RUFY2: variants seen among roughly 807,000 people sequenced by gnomAD.
RUFY2 encodes the protein RUN and FYVE domain containing 2.
In RUFY2, 49 loss-of-function variants were observed where a neutral mutation model predicts 94.4. The observed-to-expected ratio is 0.52, with a 90% CI of 0.41 to 0.66. The LOEUF (loss-of-function observed/expected upper bound fraction) is 0.66. RUFY2 is among the 30% of genes least tolerant of loss of function. The pLI is 0.00. For missense variants in RUFY2, 541 were observed against 692.8 expected (o/e 0.78, Z 2.46); for synonymous variants, 255 against 235.7 (o/e 1.08, Z -0.75).
Position 68,396,827 on chromosome 10 carries a change from T to A in RUFY2, c.351A>T (p.Lys117Asn). ...AWLRLALMQK[K>N]MADYLRCLII... ...TTAAGCAACGTAAGTAATCGGCCAT[T>A]TTTTTTTGCATGAGGGCTAATCGAA... The change falls in exon 4 of 18, where the codon AAA (lysine) becomes AAT (asparagine). Residue 117 changes from lysine (K) to asparagine (N), a missense_variant. Around this residue, in one of 3 missense-constraint regions of RUFY2, gnomAD observed 85 missense variants for 153.4 expected, o/e 0.55. Coordinates refer to ENST00000602465, the MANE Select transcript of RUFY2 (RefSeq NM_001330103.2). The A allele has an allele frequency of 6.2e-7, 1 of 1,609,804 alleles. No homozygotes were observed. Among genetic ancestry groups the A allele is most frequent in the Non-Finnish European group, 8.5e-7 (1 of 1,176,716 alleles).
intron 15 of RUFY2, among the ~76,000 whole-genome samples, chr10:68,357,464 G>C (rs1007084178): frequency 6.6e-6 from 1 of 151,860 alleles, no homozygotes; most frequent in Non-Finnish European, 1.5e-5. Context: ...CCTGACCTCA[G>C]GTGATCCACC....
chr10:68,365,915 A>G (rs890101807), intron 13 of RUFY2, among the ~76,000 whole-genome samples: 2 of 152,228 alleles, frequency 1.3e-5, no homozygotes, highest in Admixed American at 6.5e-5. Flanking sequence ...GAATGGCCTC[A>G]TCATCCAGAA....
At chr10:68,366,882 T>C (rs2047889124) in intron 13 of RUFY2, among the ~76,000 whole-genome samples, 1 of 144,038 alleles carries the variant, frequency 6.9e-6, no homozygotes, top group Non-Finnish European at 1.5e-5. Flanking sequence ...TATATATATA[T>C]ATAAATATAT....
At chr10:68,362,963 G>A (rs1473905720) in intron 15 of RUFY2, among the ~76,000 whole-genome samples, 1 of 152,082 alleles carries the variant, frequency 6.6e-6, no homozygotes, top group Non-Finnish European at 1.5e-5. Flanking sequence ...CAATCTCAAA[G>A]ACAGCTCCCC....
At chr10:68,389,663 T>C (rs1413984617) in intron 7 of RUFY2, among the ~76,000 whole-genome samples, 1 of 151,920 alleles carries the variant, frequency 6.6e-6, no homozygotes, top group Non-Finnish European at 1.5e-5. Flanking sequence ...GCATGGTGGC[T>C]CACACCTGTA....
chr10:68,405,907 A>T (rs923784547), intron 1 of RUFY2, among the ~76,000 whole-genome samples: 1 of 152,206 alleles, frequency 6.6e-6, no homozygotes, highest in Non-Finnish European at 1.5e-5. Context: ...TTTTTAATTG[A>T]TATTTTTAAG....
intron 7 of RUFY2, among the ~76,000 whole-genome samples, chr10:68,391,253 T>C (rs2049962498): frequency 1.3e-5 from 2 of 152,074 alleles, no homozygotes; most frequent in Admixed American, 6.6e-5. Flanking sequence ...TTTATATTGA[T>C]TGCATGTTGG....
intron 16 of RUFY2, chr10:68,346,501 T>C (rs1263393421): frequency 6.1e-6 from 1 of 163,070 alleles, no homozygotes; most frequent in Non-Finnish European, 1.3e-5. Context: ...CATTTTGCTC[T>C]TTTCTATACA....
At chr10:68,405,005 T>C (rs943817415) in intron 1 of RUFY2, among the ~76,000 whole-genome samples, 161 bp from the exon 2 acceptor site, 1 of 152,232 alleles carries the variant, frequency 6.6e-6, no homozygotes, top group East Asian at 1.9e-4. Context: ...TCTCTTTACA[T>C]CTCTCACATA....
At chr10:68,377,494 C>T (rs2048754606) in intron 12 of RUFY2, 2 of 989,164 alleles carry the variant, frequency 2.0e-6, no homozygotes, top group African/African-American at 1.8e-5. Flanking sequence ...TATGCATTTA[C>T]TAAATTATGC....
At position 68,379,801 on chromosome 10, in the gene RUFY2, T is replaced by G. The variant is rs541404726; in HGVS notation, c.1108-280A>C. On this transcript the variant is annotated intron_variant, in intron 11 of 17. Coordinates refer to ENST00000602465, the MANE Select transcript of RUFY2 (RefSeq NM_001330103.2). ...AAAATAATTGTGTGATATAAAGCAGTGCTATTAGTCATTTTTTTTTTTTTT... is the reference window on the plus strand; with the variant it reads ...AAAATAATTGTGTGATATAAAGCAGGGCTATTAGTCATTTTTTTTTTTTTT... Among the ~76,000 whole-genome samples, 106 of 151,278 alleles carry G rather than the reference T, an allele frequency of 7.0e-4. 1 individual carries two copies. In the Middle Eastern group the frequency reaches 0.01, roughly 15 times the overall value.
chr10:68,389,585 G>A (rs1257773771), intron 7 of RUFY2, among the ~76,000 whole-genome samples: 1 of 150,202 alleles, frequency 6.7e-6, no homozygotes, highest in Non-Finnish European at 1.5e-5. Flanking sequence ...GCGAAACTCT[G>A]TCTCGAAAAA....
chr10:68,390,793 G>T (rs1323634558), intron 7 of RUFY2, among the ~76,000 whole-genome samples: 4 of 151,278 alleles, frequency 2.6e-5, no homozygotes, highest in African/African-American at 9.7e-5. Context: ...TTGAGACAAG[G>T]TCTCACTGTG....
chr10:68,379,868 C>T (rs1241091593), intron 11 of RUFY2, among the ~76,000 whole-genome samples: 1 of 150,714 alleles, frequency 6.6e-6, no homozygotes, highest in African/African-American at 2.4e-5. Context: ...AGTGCAGTGG[C>T]ACCATCTCGC....
intron 16 of RUFY2, chr10:68,346,286 T>G (rs1023948227): frequency 4.0e-6 from 2 of 506,182 alleles, no homozygotes; most frequent in Non-Finnish European, 6.9e-6. Flanking sequence ...GGATGTGGAT[T>G]AAGTATAAAA....
At chr10:68,363,934 TAA>T in intron 14 of RUFY2, 48 bp downstream of exon 14, 1 of 1,362,854 alleles carries the variant, frequency 7.3e-7, no homozygotes, top group Non-Finnish European at 1.0e-6. Flanking sequence ...TCTTTTTAAA[TAA>T]GTTAACATTT....
intron 13 of RUFY2, among the ~76,000 whole-genome samples, chr10:68,371,390 C>G (rs1315502509): frequency 6.6e-6 from 1 of 151,832 alleles, no homozygotes; most frequent in African/African-American, 2.4e-5. Context: ...CCACTGCACT[C>G]CAACCTGGGC....
intron 1 of RUFY2, chr10:68,405,335 A>T: frequency 6.0e-6 from 2 of 331,688 alleles, no homozygotes; most frequent in Non-Finnish European, 8.6e-6. Context: ...AAAGAAAAAG[A>T]AAGAAAGAAA....
At chr10:68,366,481 G>A (rs1416109666) in intron 13 of RUFY2, among the ~76,000 whole-genome samples, 28 of 151,400 alleles carry the variant, frequency 1.8e-4, no homozygotes, top group Non-Finnish European at 1.0e-4. Flanking sequence ...AGTGGCTTAT[G>A]CCTGTAACTC....
Sources: gnomAD v4.1 joint callset for allele counts (sites outside exome capture counted in the v4.1 genomes callset) on GRCh38, gnomAD v4.1.1 for gene constraint, gnomAD v4.1.1 regional missense constraint, MANE v1.5 for transcripts, NCBI Gene and HGNC (gene_info 2026-07-23, HGNC 2026-07-21) for gene names.